Variants in FNBP1L observed in about 807,000 individuals in gnomAD.
FNBP1L encodes formin binding protein 1 like.
FNBP1L carries 36 observed loss-of-function variants against 91.2 expected under a neutral mutation model. That is an observed-to-expected ratio of 0.39 (90% CI 0.30 to 0.52). The LOEUF (loss-of-function observed/expected upper bound fraction) is 0.52. FNBP1L is among the 20% of genes least tolerant of loss of function. The probability of loss-of-function intolerance (pLI) is 0.66; values close to 1 mark genes in which losing one functional copy is unlikely to be tolerated. For missense variants in FNBP1L, 571 were observed against 732.1 expected, an observed-to-expected ratio of 0.78 and a Z score of 2.54; for synonymous variants, 242 against 237.0, an observed-to-expected ratio of 1.02 and a Z score of -0.19.
chr1:93,548,864 C>T (rs989930629), intron 14 of FNBP1L, among the ~76,000 whole-genome samples: 1 of 152,086 alleles, frequency 6.6e-6, no homozygotes, highest in Non-Finnish European at 1.5e-5. Context: ...ATGGGCCACT[C>T]CAGATTCAGA....
chr1:93,500,963 T>A (rs1198246395), intron 2 of FNBP1L, among the ~76,000 whole-genome samples: 1 of 152,182 alleles, frequency 6.6e-6, no homozygotes, highest in East Asian at 1.9e-4. Context: ...GTGATGATGT[T>A]TCATCTGTCC....
intron 1 of FNBP1L, 70 bp from the exon 2 acceptor site, chr1:93,499,398 G>C: frequency 1.0e-6 from 1 of 961,976 alleles, no homozygotes; most frequent in South Asian, 1.5e-5. Flanking sequence ...ACAAATACCA[G>C]AAGCTGTTAA....
At chr1:93,542,626 G>A (rs756781662) in intron 11 of FNBP1L, among the ~76,000 whole-genome samples, 2 of 151,856 alleles carry the variant, frequency 1.3e-5, no homozygotes, top group African/African-American at 2.4e-5. Flanking sequence ...GAAAGTAAGT[G>A]ACTCATTCTT....
chr1:93,547,518 G>A (rs541328654), intron 14 of FNBP1L, 77 bp downstream of exon 14: 173 of 1,236,888 alleles, frequency 1.4e-4, no homozygotes, highest in East Asian at 6.2e-4. Context: ...TATACAATTC[G>A]TTTTTTTCTT....
At chr1:93,501,433 G>A (rs1670436827) in intron 2 of FNBP1L, among the ~76,000 whole-genome samples, 1 of 152,112 alleles carries the variant, frequency 6.6e-6, no homozygotes. Flanking sequence ...AAGGGGAAGC[G>A]TGGATGTATG....
intron 8 of FNBP1L, 91 bp from the exon 9 acceptor site, chr1:93,534,614 T>G: frequency 1.4e-6 from 1 of 731,804 alleles, no homozygotes; most frequent in Non-Finnish European, 2.2e-6. Flanking sequence ...AAACTTATAT[T>G]TGTTGTTTTT....
At chr1:93,505,436 A>G (rs1253745558) in intron 2 of FNBP1L, among the ~76,000 whole-genome samples, 1 of 152,196 alleles carries the variant, frequency 6.6e-6, no homozygotes, top group Non-Finnish European at 1.5e-5. Flanking sequence ...CTAGCAACTT[A>G]GAACTTTGTA....
chr1:93,451,724 T>C (rs1364545836), intron 1 of FNBP1L, among the ~76,000 whole-genome samples: 3 of 152,096 alleles, frequency 2.0e-5, no homozygotes, highest in African/African-American at 7.2e-5. Context: ...CGATCTCGGG[T>C]CACTGCAACC....
intron 1 of FNBP1L, among the ~76,000 whole-genome samples, chr1:93,458,040 T>G (rs1219261087): frequency 6.6e-6 from 1 of 152,150 alleles, no homozygotes; most frequent in Non-Finnish European, 1.5e-5. Flanking sequence ...ATCTGCCGCC[T>G]CAGCCTCCCA....
chr1:93,547,674 T>C (rs539249133), intron 14 of FNBP1L, among the ~76,000 whole-genome samples: 2 of 152,250 alleles, frequency 1.3e-5, no homozygotes, highest in African/African-American at 4.8e-5. Context: ...GCTAGGAACA[T>C]AGAAAATTCT....
At position 93,523,500 on chromosome 1, in the gene FNBP1L, T is replaced by TA. The variant is rs1557809018; in HGVS notation, c.342+10dup. Reference sequence around the variant, plus strand: ...AAACTGAAAGAAAAATGGTAATTCTTACAATTTTCATCCAATTGCAATAGT... The same window carrying TA: ...AAACTGAAAGAAAAATGGTAATTCTTAACAATTTTCATCCAATTGCAATAGT... On this transcript the variant is annotated intron_variant, in intron 4 of 16. Coordinates refer to ENST00000271234, the MANE Select transcript of FNBP1L (RefSeq NM_001164473.3). 7 of 1,595,370 alleles carry TA rather than the reference T, an allele frequency of 4.4e-6. No homozygotes were observed. The highest frequency in any genetic ancestry group is 6.0e-6 in the Non-Finnish European group (7 of 1,170,594).
intron 5 of FNBP1L, among the ~76,000 whole-genome samples, chr1:93,525,179 A>G (rs780724940): frequency 6.6e-5 from 10 of 152,090 alleles, no homozygotes; most frequent in African/African-American, 9.7e-5. Context: ...TCTGGTGGAC[A>G]CTGCGTATTC....
intron 2 of FNBP1L, among the ~76,000 whole-genome samples, chr1:93,509,796 C>T (rs559918898): frequency 6.6e-5 from 10 of 152,208 alleles, no homozygotes; most frequent in African/African-American, 7.2e-5. Flanking sequence ...TTGCCTCACT[C>T]GGGAAGCGCA....
intron 12 of FNBP1L, among the ~76,000 whole-genome samples, chr1:93,546,164 G>A (rs1179233408): frequency 6.6e-6 from 1 of 152,066 alleles, no homozygotes; most frequent in Non-Finnish European, 1.5e-5. Context: ...AACAAAGAAG[G>A]AGAAAGAAGG....
intron 3 of FNBP1L, among the ~76,000 whole-genome samples, chr1:93,522,570 T>C (rs897221621): frequency 9.6e-5 from 1 of 10,384 alleles, no homozygotes; most frequent in Non-Finnish European, 8.2e-3. Flanking sequence ...AAATCACTTA[T>C]GAGTTTTTTT....
chr1:93,543,971 T>G, intron 11 of FNBP1L, 136 bp from the exon 12 acceptor site: 2 of 505,266 alleles, frequency 4.0e-6, no homozygotes, highest in African/African-American at 2.0e-5. Flanking sequence ...AGATTTCTTT[T>G]TTTTTTAAGG....
chr1:93,493,269 A>C (rs1005730325), intron 1 of FNBP1L, among the ~76,000 whole-genome samples: 1 of 152,204 alleles, frequency 6.6e-6, no homozygotes, highest in African/African-American at 2.4e-5. Context: ...GGACGGCTTA[A>C]GCCCAGGATT....
At chr1:93,465,596 T>C (rs1669048433) in intron 1 of FNBP1L, among the ~76,000 whole-genome samples, 1 of 152,214 alleles carries the variant, frequency 6.6e-6, no homozygotes, top group Admixed American at 6.5e-5. Flanking sequence ...CTTTATCCAG[T>C]CTATCATGGA....
intron 11 of FNBP1L, 120 bp downstream of exon 11, chr1:93,541,176 C>T: frequency 4.1e-6 from 4 of 967,910 alleles, no homozygotes; most frequent in Non-Finnish European, 6.2e-6. Context: ...TGTGTTTTTT[C>T]TTTTTATAGT....
Sources: gnomAD v4.1 joint callset for allele counts (sites outside exome capture counted in the v4.1 genomes callset) on GRCh38, gnomAD v4.1.1 for gene constraint, MANE v1.5 for transcripts, NCBI Gene and HGNC (gene_info 2026-07-23, HGNC 2026-07-21) for gene names.